SOS2: variants seen among roughly 807,000 people sequenced by gnomAD.
The protein encoded by SOS2 is SOS Ras/Rho guanine nucleotide exchange factor 2, also known as son of sevenless homolog 2.
A neutral mutation model predicts 148.2 loss-of-function variants in SOS2; 65 were observed. That is an observed-to-expected ratio of 0.44 (90% CI 0.36 to 0.54). The LOEUF (loss-of-function observed/expected upper bound fraction) is 0.54, where lower values mean the gene tolerates loss of function less well. Among genes scored for constraint, SOS2 ranks in the 20% least tolerant of loss-of-function variants. The pLI is 0.00. For synonymous variants in SOS2, 539 were observed against 537.1 expected (o/e 1.00, Z -0.05); for missense variants, 1,341 against 1,590.2 (o/e 0.84, Z 2.67).
intron 7 of SOS2, among the ~76,000 whole-genome samples, chr14:50,178,202 T>G (rs1057017246): frequency 6.6e-6 from 1 of 152,098 alleles, no homozygotes; most frequent in African/African-American, 2.4e-5. Context: ...TAGTGGGAGG[T>G]AACTGGATCA....
In SOS2 at chr14:50,204,341, A is replaced by T. The variant is rs1343609817; in HGVS notation, c.156T>A (p.Ile52=). The T allele has an allele frequency of 1.3e-5, 21 of 1,591,648 alleles. No homozygotes were observed. The highest frequency in any genetic ancestry group is 1.7e-5 in the Non-Finnish European group (20 of 1,161,284). ...TGCATAATTTATTAAGCAGCTGAAA[A>T]ATCAGCTCTTCAATATAATAGAGAG... The part of the protein sequence containing the change: ...EESLYYIEEL[I]FQLLNKLCMA... The change falls in exon 2 of 23, where the codon ATT becomes ATA. Residue 52 remains isoleucine, a synonymous_variant. Transcript: ENST00000216373.
intron 1 of SOS2, chr14:50,215,460 C>A (rs768630678): frequency 4.5e-5 from 56 of 1,250,286 alleles, no homozygotes; most frequent in Non-Finnish European, 5.6e-5. Flanking sequence ...ATAAAATTAC[C>A]ACGACAGAAC....
At chr14:50,228,929 GGA>G (rs1887459486) in intron 1 of SOS2, among the ~76,000 whole-genome samples, 1 of 152,182 alleles carries the variant, frequency 6.6e-6, no homozygotes, top group South Asian at 2.1e-4. Context: ...ACCAATTGAA[GGA>G]GAGAGATATT....
intron 5 of SOS2, among the ~76,000 whole-genome samples, chr14:50,185,616 C>T (rs1341233875): frequency 3.3e-5 from 5 of 150,244 alleles, no homozygotes; most frequent in South Asian, 2.1e-4. Flanking sequence ...CGCTTGAACC[C>T]GGGAGGTAGA....
Position 50,157,080 on chromosome 14 carries a change from A to T in SOS2, c.1976T>A (p.Leu659Ter). 1.2e-6 allele frequency: 2 copies of T among 1,612,690 alleles called. No individual in the cohort carries two copies. Among genetic ancestry groups the T allele is most frequent in the Non-Finnish European group, 1.7e-6 (2 of 1,179,148 alleles). Residue 659 changes from leucine to a stop codon, truncating the protein, a stop_gained, in exon 12 of 23, where the codon TTG becomes TAG. Coordinates refer to ENST00000216373, the MANE Select transcript of SOS2 (RefSeq NM_006939.4). LOFTEE classifies it high-confidence loss of function. The part of the protein sequence containing the change: ...PEPEPTDADK[L>*]AIEKGEQPIS... Reference sequence around the variant, plus strand: ...TGGCTGCTCGCCTTTCTCTATTGCCAATTTGTCTGCGTCAGTAGGTTCTGG... The same window carrying T: ...TGGCTGCTCGCCTTTCTCTATTGCCTATTTGTCTGCGTCAGTAGGTTCTGG...
Position 50,196,857 on chromosome 14 carries a change from TCTGGAACAA to T in SOS2, c.510+2825_510+2833del, listed in dbSNP as rs757222475. 9.0e-4 allele frequency among the ~76,000 whole-genome samples: 137 copies of T among 152,124 alleles called. 1 individual carries two copies. The highest frequency in any genetic ancestry group is 1.7e-3 in the Non-Finnish European group (117 of 67,980). On this transcript the variant is annotated intron_variant, in intron 4 of 22. Transcript: ENST00000216373. ...CAAGCTAGGGCTCCTAATAACCAAA[TCTGGAACAA>T]CCGGAACTTTTTTTTGTTTGAGACA...
In SOS2 at chr14:50,138,771, T is replaced by G; in HGVS notation, c.2799A>C (p.Thr933=). 1 of 951,346 alleles carries G rather than the reference T, an allele frequency of 1.1e-6. No homozygotes were observed. The highest frequency in any genetic ancestry group is 1.6e-6 in the Non-Finnish European group (1 of 626,906). 58.9% of individuals were successfully genotyped at this position (951,346 alleles called of 1,614,324 possible). Residue 933 remains threonine (T), a synonymous_variant, in exon 18 of 23, where the codon ACA becomes ACC. Coordinates refer to ENST00000216373, the MANE Select transcript of SOS2 (RefSeq NM_006939.4). ...TCCCTTCTTCGGTCTTCAGAATATT[T>G]GTTAAATATATTCCTAGTAAAAAAA... ...PCVPFFGIYL[T]NILKTEEGNN...
chr14:50,122,155 C>T (rs1445818375), intron 21 of SOS2, among the ~76,000 whole-genome samples: 1 of 152,086 alleles, frequency 6.6e-6, no homozygotes, highest in African/African-American at 2.4e-5. Flanking sequence ...CTAATTCAGA[C>T]CAGTGAAATT....
chr14:50,139,916 A>G (rs763068744), intron 17 of SOS2, 26 bp downstream of exon 17: 1 of 1,185,162 alleles, frequency 8.4e-7, no homozygotes, highest in Non-Finnish European at 1.3e-6. Flanking sequence ...CTCACCCTCA[A>G]AATATATCCA....
chr14:50,146,098 A>C (rs1884459922), intron 14 of SOS2, among the ~76,000 whole-genome samples: 1 of 149,130 alleles, frequency 6.7e-6, no homozygotes, highest in South Asian at 2.1e-4. Context: ...GCACCACTGC[A>C]CTCCAGCCTG....
intron 7 of SOS2, among the ~76,000 whole-genome samples, 158 bp downstream of exon 7, chr14:50,180,414 G>A (rs1885693879): frequency 6.8e-6 from 1 of 148,066 alleles, no homozygotes; most frequent in South Asian, 2.2e-4. Context: ...CAGAACTCCA[G>A]AGAGAAAACA....
chr14:50,138,726 C>T lies in SOS2; in HGVS notation c.2844G>A (p.Lys948=), dbSNP rs750581366. 1.5e-6 allele frequency: 2 copies of T among 1,297,224 alleles called. No homozygotes were observed. Among genetic ancestry groups the T allele is most frequent in the Non-Finnish European group, 2.2e-6 (2 of 914,516 alleles). The allele number at this position is 1,297,224 out of a possible 1,614,324, so 80.4% of individuals were successfully genotyped here. ...TGAAATTGATTAAATCTTTCCCTTTCTTTTTTAAAAAATCATTATTCCCTT... is the reference window on the plus strand; with the variant it reads ...TGAAATTGATTAAATCTTTCCCTTTTTTTTTTAAAAAATCATTATTCCCTT... ...TEEGNNDFLK[K]KGKDLINFSK... The change falls in exon 18 of 23, where the codon AAG becomes AAA. Residue 948 remains lysine (K), a synonymous_variant. Coordinates refer to ENST00000216373, the MANE Select transcript of SOS2 (RefSeq NM_006939.4).
Position 50,192,908 on chromosome 14 carries a change from A to G in SOS2, c.511-4208T>C, listed in dbSNP as rs368419409. Among the ~76,000 whole-genome samples the G allele has an allele frequency of 1.2e-4, 18 of 152,248 alleles. No individual in the cohort carries two copies. In the South Asian group the frequency reaches 3.7e-3, roughly 32 times the overall value. On this transcript the variant is annotated intron_variant, in intron 4 of 22. Transcript: ENST00000216373. ...TAATTCAATAGGTTAAAAACAAAAG[A>G]AAGAAAATACAGAACTCAACTGCTA... is the stretch of plus-strand genomic sequence containing the variant.
At chr14:50,191,696 G>T (rs1052972422) in intron 4 of SOS2, among the ~76,000 whole-genome samples, 2 of 152,164 alleles carry the variant, frequency 1.3e-5, no homozygotes, top group African/African-American at 4.8e-5. Flanking sequence ...AAACAGTGGG[G>T]ATTATGGTAA....
intron 5 of SOS2, among the ~76,000 whole-genome samples, chr14:50,186,993 C>A (rs558164542): frequency 6.6e-6 from 1 of 152,148 alleles, no homozygotes; most frequent in South Asian, 2.1e-4. Flanking sequence ...TTAGGAGGTA[C>A]AAGATAAATA....
intron 19 of SOS2, among the ~76,000 whole-genome samples, chr14:50,131,814 G>A (rs1883883452): frequency 1.3e-5 from 2 of 152,154 alleles, no homozygotes; most frequent in South Asian, 2.1e-4. Flanking sequence ...CAGATGATAT[G>A]GAAGGTAAAG....
At chr14:50,160,323 T>C (rs1418476849) in intron 9 of SOS2, among the ~76,000 whole-genome samples, 1 of 150,684 alleles carries the variant, frequency 6.6e-6, no homozygotes, top group Non-Finnish European at 1.5e-5. Context: ...ATTTCTTTCA[T>C]AGATTATATT....
chr14:50,120,230 A>G, intron 22 of SOS2, 45 bp downstream of exon 22: 1 of 864,388 alleles, frequency 1.2e-6, no homozygotes, highest in South Asian at 1.4e-5. Context: ...ATTATTTTGA[A>G]GATTCACAAC....
At chr14:50,160,318 T>C (rs1181857482) in intron 9 of SOS2, among the ~76,000 whole-genome samples, 1 of 151,706 alleles carries the variant, frequency 6.6e-6, no homozygotes, top group Non-Finnish European at 1.5e-5. Flanking sequence ...CCTAAATTTC[T>C]TTCATAGATT....
Sources: gnomAD v4.1 joint callset for allele counts (sites outside exome capture counted in the v4.1 genomes callset) on GRCh38, gnomAD v4.1.1 for gene constraint, MANE v1.5 for transcripts, NCBI Gene and HGNC (gene_info 2026-07-23, HGNC 2026-07-21) for gene names.